Variants in DAB1 observed in about 807,000 individuals in gnomAD.
DAB1 encodes the protein disabled homolog 1.
Under a neutral mutation model 64.6 loss-of-function variants are expected in DAB1, and 15 were observed. The observed-to-expected ratio is 0.23, with a 90% CI of 0.16 to 0.36. The LOEUF (loss-of-function observed/expected upper bound fraction) is 0.36. Among genes scored for constraint, DAB1 ranks in the 10% least tolerant of loss-of-function variants. DAB1 has a pLI of 1.00. For synonymous variants in DAB1, 235 were observed against 251.9 expected, an observed-to-expected ratio of 0.93 and a Z score of 0.64; for missense variants, 596 against 706.7, an observed-to-expected ratio of 0.84 and a Z score of 1.78.
intron 11 of DAB1, among the ~76,000 whole-genome samples, chr1:57,017,672 G>A (rs1005335609): frequency 6.6e-6 from 1 of 152,168 alleles, no homozygotes; most frequent in African/African-American, 2.4e-5. Flanking sequence ...ATAAAACAAT[G>A]ATGTCAACAA....
At chr1:57,528,520 G>A (rs553523007) in intron 7 of DAB1, among the ~76,000 whole-genome samples, 4 of 152,060 alleles carry the variant, frequency 2.6e-5, no homozygotes, top group East Asian at 1.9e-4. Flanking sequence ...TTTTTAAAAC[G>A]TGTATGCCAA....
intron 7 of DAB1, among the ~76,000 whole-genome samples, chr1:57,563,658 G>A (rs188867084): frequency 7.2e-5 from 11 of 152,264 alleles, no homozygotes; most frequent in East Asian, 1.9e-4. Context: ...CACCTGGCTC[G>A]GAGGGTCCCA....
intron 9 of DAB1, among the ~76,000 whole-genome samples, chr1:57,061,028 A>T (rs1650331649): frequency 6.6e-6 from 1 of 152,132 alleles, no homozygotes; most frequent in African/African-American, 2.4e-5. Flanking sequence ...GGACCAGTTG[A>T]AACACGAAGA....
intron 4 of DAB1, among the ~76,000 whole-genome samples, chr1:58,220,286 ATAAC>A (rs1040125150): frequency 3.3e-5 from 5 of 152,242 alleles, no homozygotes; most frequent in Non-Finnish European, 7.3e-5. Flanking sequence ...ATTTAAAAAA[ATAAC>A]TAACTGATGG....
intron 3 of DAB1, among the ~76,000 whole-genome samples, chr1:58,451,930 T>C (rs1176759874): frequency 6.6e-6 from 1 of 151,544 alleles, no homozygotes; most frequent in African/African-American, 2.4e-5. Context: ...CTTTTTTTTT[T>C]TTTTTTGACG....
rs142252533 is a variant in DAB1 at position 57,120,361 on chromosome 1, C to T, written c.306+16182G>A. On this transcript the variant is annotated intron_variant, in intron 4 of 14. Coordinates refer to ENST00000371236, the MANE Select transcript of DAB1 (RefSeq NM_001365792.1). Reference sequence around the variant, plus strand: ...TAAGGGTTTAGTACTGTGAACACACCGGTGAAACCACTGCTCCTGCTTTCA... The same window carrying T: ...TAAGGGTTTAGTACTGTGAACACACTGGTGAAACCACTGCTCCTGCTTTCA... Among the ~76,000 whole-genome samples the T allele has an allele frequency of 2.9e-4, 44 of 152,234 alleles. No homozygotes were observed. The East Asian group carries it at 4.1e-3, about 14-fold the overall frequency.
chr1:58,079,215 C>T (rs1649833920), intron 5 of DAB1, among the ~76,000 whole-genome samples: 1 of 152,136 alleles, frequency 6.6e-6, no homozygotes, highest in African/African-American at 2.4e-5. Flanking sequence ...GTCTCATGGC[C>T]CACTATCACC....
rs145847902 is a variant in DAB1 at position 57,276,029 on chromosome 1, CA to C, written c.67+14934del. Among the ~76,000 whole-genome samples, 474 of 152,218 alleles carry C rather than the reference CA, an allele frequency of 3.1e-3. 1 individual carries two copies. The highest frequency in any genetic ancestry group is 0.011 in the African/African-American group (456 of 41,530). On this transcript the variant is annotated intron_variant, in intron 2 of 14. Transcript: ENST00000371236. ...AGCTAAAGAAAATTAGATCACTTAG[CA>C]AAATGATAATATTGCAAAAAGTTTA...
In DAB1 at chr1:57,015,349, C is replaced by T. The variant is rs1646394856; in HGVS notation, c.978G>A (p.Gln326=). ...LVQQQMVMGA[Q]PPVAQVMPGA... The stretch of plus-strand genomic sequence containing the variant: ...CCGGCATCACCTGAGCGACTGGTGG[C>T]TGGGCACCCATGACCATCTGCTGTT... The change falls in exon 12 of 15, where the codon CAG becomes CAA. Residue 326 remains glutamine (Q), a synonymous_variant. Coordinates refer to ENST00000371236, the MANE Select transcript of DAB1 (RefSeq NM_001365792.1). 1 of 1,613,960 alleles carries T rather than the reference C, an allele frequency of 6.2e-7. No homozygotes were observed. The highest frequency in any genetic ancestry group is 1.3e-5 in the African/African-American group (1 of 74,934).
intron 3 of DAB1, among the ~76,000 whole-genome samples, chr1:58,386,552 A>G (rs1200454286): frequency 6.6e-6 from 1 of 152,154 alleles, no homozygotes; most frequent in Non-Finnish European, 1.5e-5. Flanking sequence ...GACTTATCCA[A>G]AGTCACAGTG....
intron 5 of DAB1, among the ~76,000 whole-genome samples, chr1:57,919,187 G>A (rs1165871071): frequency 6.6e-6 from 1 of 152,188 alleles, no homozygotes; most frequent in African/African-American, 2.4e-5. Flanking sequence ...GGGTTGTGAG[G>A]AGGGTTGGGA....
At chr1:57,226,672 A>AAAAAAATATATATATATAT (rs747021990) in intron 2 of DAB1, among the ~76,000 whole-genome samples, 4 of 135,998 alleles carry the variant, frequency 2.9e-5, no homozygotes, top group African/African-American at 9.3e-5. Flanking sequence ...TTAAAAAAAA[A>AAAAAAATATATATATATAT]ATATATATAT....
At chr1:58,338,932 A>G (rs1663186591) in intron 4 of DAB1, among the ~76,000 whole-genome samples, 1 of 152,234 alleles carries the variant, frequency 6.6e-6, no homozygotes, top group Non-Finnish European at 1.5e-5. Context: ...GCACCATTCC[A>G]TGTGTATGAA....
intron 2 of DAB1, among the ~76,000 whole-genome samples, chr1:57,290,086 A>G (rs981735611): frequency 6.6e-6 from 1 of 152,218 alleles, no homozygotes; most frequent in African/African-American, 2.4e-5. Context: ...ATCTAGCTCC[A>G]AAGGAGTTTA....
At chr1:57,220,698 T>G (rs990184578) in intron 2 of DAB1, among the ~76,000 whole-genome samples, 1 of 152,066 alleles carries the variant, frequency 6.6e-6, no homozygotes, top group African/African-American at 2.4e-5. Flanking sequence ...AAAACCACAA[T>G]GAGATACCAT....
chr1:57,361,052 A>C (rs918130506), intron 1 of DAB1, among the ~76,000 whole-genome samples: 1 of 152,140 alleles, frequency 6.6e-6, no homozygotes, highest in Non-Finnish European at 1.5e-5. Context: ...CAGAGAGATA[A>C]GCACTGTGAG....
chr1:57,044,081 G>C (rs1271500043), intron 9 of DAB1, among the ~76,000 whole-genome samples: 2 of 152,134 alleles, frequency 1.3e-5, no homozygotes, highest in African/African-American at 4.8e-5. Context: ...CATCTGATTG[G>C]TTCCTTCTCC....
At chr1:57,131,856 A>C (rs1439909656) in intron 4 of DAB1, among the ~76,000 whole-genome samples, 1 of 152,122 alleles carries the variant, frequency 6.6e-6, no homozygotes, top group Non-Finnish European at 1.5e-5. Flanking sequence ...AAGTCATTTT[A>C]GTTTTTATGT....
At position 57,015,460 on chromosome 1, in the gene DAB1, GT is replaced by G. The variant is rs1295786842; in HGVS notation, c.896-30del. ...GGAGAATGAAAAAGGAGAGTCAGGT[GT>G]TTCCCTGGTGTCCTGGGAAAGAAGG... is the stretch of plus-strand genomic sequence containing the variant. On this transcript the variant is annotated intron_variant, in intron 11 of 14. Coordinates refer to ENST00000371236, the MANE Select transcript of DAB1 (RefSeq NM_001365792.1). The G allele has an allele frequency of 1.9e-6, 3 of 1,569,274 alleles. No homozygotes were observed. The African/African-American group carries it at 4.1e-5, about 21-fold the overall frequency.
Sources: gnomAD v4.1 joint callset for allele counts (sites outside exome capture counted in the v4.1 genomes callset) on GRCh38, gnomAD v4.1.1 for gene constraint, MANE v1.5 for transcripts, NCBI Gene and HGNC (gene_info 2026-07-23, HGNC 2026-07-21) for gene names.